The following TSNAX variants were observed in gnomAD, a reference collection of about 807,000 sequenced individuals.
TSNAX encodes the protein translin-associated protein X.
Under a neutral mutation model 33.0 loss-of-function variants are expected in TSNAX, and 12 were observed. The ratio of observed to expected loss-of-function variants is 0.36; its 90% CI spans 0.23 to 0.59. The LOEUF (loss-of-function observed/expected upper bound fraction) is 0.59. Among genes scored for constraint, TSNAX ranks in the 20% least tolerant of loss-of-function variants. TSNAX has a pLI of 0.74. For missense variants in TSNAX, 267 were observed against 341.3 expected (o/e 0.78, Z 1.72); for synonymous variants, 110 against 117.2 (o/e 0.94, Z 0.40).
At chr1:231,547,990 G>A (rs1287258725) in intron 4 of TSNAX, among the ~76,000 whole-genome samples, 14 of 151,842 alleles carry the variant, frequency 9.2e-5, no homozygotes, top group Admixed American at 8.5e-4. Flanking sequence ...ACAGGCGTCC[G>A]CTACCACGCC....
rs1658493091 is a variant in TSNAX at position 231,529,309 on chromosome 1, G to A, written c.71G>A (p.Arg24Lys). Residue 24 changes from arginine to lysine, a missense_variant, in exon 2 of 6, where the codon AGA (arginine) becomes AAA (lysine). Around this residue, in one of 2 missense-constraint regions of TSNAX, gnomAD observed 200 missense variants for 214.1 expected, o/e 0.93. Coordinates refer to ENST00000366639, the MANE Select transcript of TSNAX (RefSeq NM_005999.3). The part of the protein sequence containing the change: ...KHDNFPHNQR[R>K]EGKDVNSSSP... ...GACAATTTCCCACATAACCAAAGAA[G>A]AGAAGGGAAGGATGTTAATTCATCT... 3 of 1,614,080 alleles carry A rather than the reference G, an allele frequency of 1.9e-6. No individual in the cohort carries two copies. Among genetic ancestry groups the A allele is most frequent in the African/African-American group, 1.3e-5 (1 of 74,922 alleles).
At chr1:231,553,017 A>G (rs1453965474) in intron 4 of TSNAX, among the ~76,000 whole-genome samples, 2 of 152,116 alleles carry the variant, frequency 1.3e-5, no homozygotes, top group African/African-American at 4.8e-5. Flanking sequence ...GGTTGTTTAT[A>G]CTTTTTGGCC....
chr1:231,564,763 A>T lies in TSNAX; in HGVS notation c.731A>T (p.Tyr244Phe). The T allele has an allele frequency of 3.7e-6, 6 of 1,614,244 alleles. No individual in the cohort carries two copies. Among genetic ancestry groups the T allele is most frequent in the Non-Finnish European group, 4.2e-6 (5 of 1,180,048 alleles). ...TGPYEVSKKLYTLKQSLAKVE... is the reference protein window; with the variant it reads ...TGPYEVSKKLFTLKQSLAKVE... ...CCTTACGAGGTTTCTAAGAAGCTGTATACCTTGAAACAAAGTTTGGCCAAA... is the reference window on the plus strand; with the variant it reads ...CCTTACGAGGTTTCTAAGAAGCTGTTTACCTTGAAACAAAGTTTGGCCAAA... The change falls in exon 6 of 6, where the codon TAT (tyrosine) becomes TTT (phenylalanine). Residue 244 changes from tyrosine to phenylalanine, a missense_variant. Around this residue, in one of 2 missense-constraint regions of TSNAX, gnomAD observed 67 missense variants for 127.2 expected, o/e 0.53. Coordinates refer to ENST00000366639, the MANE Select transcript of TSNAX (RefSeq NM_005999.3).
chr1:231,531,797 T>G (rs59559001), intron 2 of TSNAX, among the ~76,000 whole-genome samples: 2,862 of 152,242 alleles, frequency 0.019, 91 homozygotes, highest in African/African-American at 0.065. Flanking sequence ...ATAAAGGCGT[T>G]ATTAAGAGAG....
chr1:231,529,382 TGAA>T (rs755616966), intron 2 of TSNAX, 23 bp downstream of exon 2: 4 of 1,608,818 alleles, frequency 2.5e-6, no homozygotes, highest in African/African-American at 2.7e-5. Flanking sequence ...CAATGTAAGT[TGAA>T]GAAGGGGAGA....
chr1:231,552,041 A>G (rs1660337871), intron 4 of TSNAX, among the ~76,000 whole-genome samples: 1 of 152,120 alleles, frequency 6.6e-6, no homozygotes, highest in African/African-American at 2.4e-5. Flanking sequence ...TACGCCTGTA[A>G]TCTCAGCACT....
At chr1:231,528,979 CCCTGTTTACA>C (rs1472996258) in intron 1 of TSNAX, among the ~76,000 whole-genome samples, 153 bp downstream of exon 1, 1 of 152,212 alleles carries the variant, frequency 6.6e-6, no homozygotes, top group African/African-American at 2.4e-5. Flanking sequence ...GCCAGATCGG[CCCTGTTTACA>C]CCTCCTTTTT....
intron 4 of TSNAX, among the ~76,000 whole-genome samples, chr1:231,559,985 A>AT (rs1220762707): frequency 0.016 from 2,293 of 142,308 alleles, 69 homozygotes; most frequent in African/African-American, 0.055. Context: ...TATTATTATT[A>AT]TTTTTTTTTT....
At chr1:231,563,055 T>C (rs1661214381) in intron 5 of TSNAX, among the ~76,000 whole-genome samples, 1 of 152,196 alleles carries the variant, frequency 6.6e-6, no homozygotes, top group Non-Finnish European at 1.5e-5. Flanking sequence ...ATTAGATACA[T>C]AGCAAAGAGT....
At chr1:231,562,183 A>T (rs932093626) in intron 5 of TSNAX, among the ~76,000 whole-genome samples, 3 of 148,370 alleles carry the variant, frequency 2.0e-5, no homozygotes, top group African/African-American at 7.3e-5. Flanking sequence ...AAATTATTAA[A>T]TTATTAATTT....
chr1:231,534,166 T>C (rs1422187012), intron 2 of TSNAX: 3 of 152,230 alleles, frequency 2.0e-5, no homozygotes, highest in African/African-American at 7.2e-5. Flanking sequence ...TTTCTCATGG[T>C]TAGATTCAGG....
intron 1 of TSNAX, among the ~76,000 whole-genome samples, 170 bp from the exon 2 acceptor site, chr1:231,529,085 G>A (rs1658469662): frequency 6.6e-6 from 1 of 152,236 alleles, no homozygotes; most frequent in African/African-American, 2.4e-5. Flanking sequence ...AAACTTGGAT[G>A]ATTTGCTTGG....
chr1:231,529,430 A>G, intron 2 of TSNAX, 71 bp downstream of exon 2: 2 of 1,454,968 alleles, frequency 1.4e-6, no homozygotes, highest in Non-Finnish European at 1.9e-6. Context: ...ATGCGCAAGA[A>G]AACAGTCCCT....
intron 5 of TSNAX, among the ~76,000 whole-genome samples, chr1:231,562,128 A>G (rs1661155000): frequency 6.7e-6 from 1 of 149,538 alleles, no homozygotes. Context: ...TTAAAATTAA[A>G]TATTTTAAAA....
chr1:231,563,462 C>T (rs1661238779), intron 5 of TSNAX: 1 of 154,902 alleles, frequency 6.5e-6, no homozygotes, highest in African/African-American at 2.4e-5. Flanking sequence ...TCCCATTTTA[C>T]AGATGAGGAA....
At chr1:231,533,909 T>G (rs992894838) in intron 2 of TSNAX, among the ~76,000 whole-genome samples, 4 of 152,220 alleles carry the variant, frequency 2.6e-5, no homozygotes, top group African/African-American at 9.6e-5. Flanking sequence ...TCAGGAGATT[T>G]AACACTGACA....
intron 2 of TSNAX, among the ~76,000 whole-genome samples, chr1:231,530,547 C>G (rs1159944593): frequency 6.6e-6 from 1 of 151,964 alleles, no homozygotes; most frequent in Non-Finnish European, 1.5e-5. Flanking sequence ...CACGGTGAAA[C>G]CCCGTCTCTA....
intron 4 of TSNAX, among the ~76,000 whole-genome samples, chr1:231,560,774 G>A (rs1661059592): frequency 6.6e-6 from 1 of 151,408 alleles, no homozygotes; most frequent in Non-Finnish European, 1.5e-5. Flanking sequence ...TTTTTTTTCT[G>A]GCTGGGCACA....
intron 3 of TSNAX, among the ~76,000 whole-genome samples, chr1:231,539,507 C>T (rs938397885): frequency 2.0e-5 from 3 of 152,116 alleles, no homozygotes; most frequent in African/African-American, 7.2e-5. Context: ...TAGGGATGCT[C>T]AACCTGTAAT....
Sources: allele counts gnomAD v4.1 joint callset (sites outside exome capture counted in the v4.1 genomes callset), GRCh38; gene constraint gnomAD v4.1.1; regional missense constraint gnomAD v4.1.1; transcripts MANE v1.5; gene names NCBI Gene and HGNC (gene_info 2026-07-23, HGNC 2026-07-21).